HADH: variants seen among roughly 807,000 people sequenced by gnomAD.
HADH encodes the protein hydroxyacyl-CoA dehydrogenase, also known as hydroxyacyl-coenzyme A dehydrogenase, mitochondrial.
A neutral mutation model predicts 32.2 loss-of-function variants in HADH; 24 were observed. The observed-to-expected ratio is 0.75, with a 90% CI of 0.54 to 1.05. The LOEUF (loss-of-function observed/expected upper bound fraction) is 1.05, where lower values mean the gene tolerates loss of function less well. Ranked by LOEUF, HADH falls within the 50% of genes least tolerant of loss-of-function variation. The pLI is 0.00. For missense variants in HADH, 350 were observed against 397.1 expected (o/e 0.88, Z 1.01); for synonymous variants, 139 against 152.5 (o/e 0.91, Z 0.65).
chr4:108,026,954 G>A (rs1736088318), intron 5 of HADH: 1 of 152,846 alleles, frequency 6.5e-6, no homozygotes, highest in Non-Finnish European at 1.5e-5. Context: ...ACTGAGAAGG[G>A]AAATGGATGA....
chr4:108,014,364 C>G lies in HADH; in HGVS notation c.262-67C>G, dbSNP rs561627255. 37 of 1,585,960 alleles carry G rather than the reference C, an allele frequency of 2.3e-5. No individual in the cohort carries two copies. The African/African-American group carries it at 5.0e-4, about 21-fold the overall frequency. On this transcript the variant is annotated intron_variant, in intron 2 of 7. Coordinates refer to ENST00000309522, the MANE Select transcript of HADH (RefSeq NM_005327.7). Reference sequence around the variant, plus strand: ...ACCCAGTTTGCTAACTGGAGCAGAGCTAAGAACTTGAAAGATAATTTCCAG... The same window carrying G: ...ACCCAGTTTGCTAACTGGAGCAGAGGTAAGAACTTGAAAGATAATTTCCAG...
intron 1 of HADH, among the ~76,000 whole-genome samples, chr4:107,991,449 C>T (rs1437590651): frequency 6.6e-6 from 1 of 152,036 alleles, no homozygotes; most frequent in Non-Finnish European, 1.5e-5. Flanking sequence ...TTTTCTTCTC[C>T]TTGGCAAGTT....
Position 108,009,872 on chromosome 4 carries a change from T to G in HADH, c.246T>G (p.Phe82Leu). 1 of 1,611,416 alleles carries G rather than the reference T, an allele frequency of 6.2e-7. No individual in the cohort carries two copies. ...ESLRKVAKKK[F>L]AENLKAGDEF... ...TTAGGAAAGTGGCAAAGAAGAAGTTTGCAGAAAACCTTAAGGTAATTTCTT... is the reference window on the plus strand; with the variant it reads ...TTAGGAAAGTGGCAAAGAAGAAGTTGGCAGAAAACCTTAAGGTAATTTCTT... The change falls in exon 2 of 8, where the codon TTT (phenylalanine) becomes TTG (leucine). Residue 82 changes from phenylalanine to leucine, a missense_variant. Coordinates refer to ENST00000309522, the MANE Select transcript of HADH (RefSeq NM_005327.7).
chr4:107,989,966 G>T lies in HADH; in HGVS notation c.34G>T (p.Val12Leu). ...CGTCACCAGGCAGTTCATGCGTTCC[G>T]TGTCCTCCTCGTCCACCGCCTCGGC... ...AFVTRQFMRS[V>L]SSSSTASASA... The change falls in exon 1 of 8, where the codon GTG (valine) becomes TTG (leucine). Residue 12 changes from valine to leucine, a missense_variant. Transcript: ENST00000309522. 6.2e-7 allele frequency: 1 copy of T among 1,612,948 alleles called. No individual in the cohort carries two copies. The highest frequency in any genetic ancestry group is 8.5e-7 in the Non-Finnish European group (1 of 1,179,614).
Position 108,023,537 on chromosome 4 carries a change from C to G in HADH, c.610C>G (p.Leu204Val). 6.2e-7 allele frequency: 1 copy of G among 1,608,948 alleles called. No individual in the cohort carries two copies. The highest frequency in any genetic ancestry group is 1.1e-5 in the South Asian group (1 of 90,978). Residue 204 changes from leucine (L) to valine (V), a missense_variant, in exon 5 of 8, where the codon CTA becomes GTA. By Grantham distance (32) the Leu-to-Val change is conservative. Coordinates refer to ENST00000309522, the MANE Select transcript of HADH (RefSeq NM_005327.7). ...FESLVDFSKA[L>V]GKHPVSCKDT... ...ATCTTTGGTAGACTTTAGCAAAGCC[C>G]TAGGAAAGCATCCTGTTTCTTGCAA...
At chr4:108,008,418 A>C (rs1472549468) in intron 1 of HADH, among the ~76,000 whole-genome samples, 9 of 152,242 alleles carry the variant, frequency 5.9e-5, no homozygotes, top group Non-Finnish European at 1.0e-4. Flanking sequence ...CCATGAGTGC[A>C]GTTGAAATAA....
chr4:108,017,161 C>T (rs1376324454), intron 3 of HADH, among the ~76,000 whole-genome samples: 2 of 152,090 alleles, frequency 1.3e-5, no homozygotes, highest in African/African-American at 4.8e-5. Flanking sequence ...TTTTACAGTT[C>T]GATCCTATAA....
intron 4 of HADH, among the ~76,000 whole-genome samples, chr4:108,022,662 C>T (rs6533342): frequency 0.87 from 131,906 of 152,182 alleles, 58,044 homozygotes; most frequent in East Asian, 0.97. Flanking sequence ...TCAGGTCCCA[C>T]GTAGAAGACT....
At chr4:108,017,317 G>A (rs1352937949) in intron 3 of HADH, among the ~76,000 whole-genome samples, 1 of 152,132 alleles carries the variant, frequency 6.6e-6, no homozygotes, top group Admixed American at 6.5e-5. Flanking sequence ...CAGCCAGATC[G>A]AAGTCCTGAC....
chr4:108,009,705 G>T (rs140722514), intron 1 of HADH, 54 bp from the exon 2 acceptor site: 7 of 1,570,042 alleles, frequency 4.5e-6, no homozygotes, highest in Non-Finnish European at 6.1e-6. Flanking sequence ...GTGTGTGCGC[G>T]TGCGTGTTAT....
chr4:108,009,991 T>TC, intron 2 of HADH, 104 bp downstream of exon 2: 1 of 882,240 alleles, frequency 1.1e-6, no homozygotes, highest in Non-Finnish European at 1.8e-6. Flanking sequence ...TTTTTTTTTT[T>TC]TTTCAGTTTG....
At chr4:108,024,326 A>G (rs929715042) in intron 5 of HADH, 2 of 152,198 alleles carry the variant, frequency 1.3e-5, no homozygotes, top group Middle Eastern at 3.2e-3. Context: ...ACAAAATGCT[A>G]CACCATTACA....
Position 107,990,025 on chromosome 4 carries a change from G to A in HADH, c.93G>A (p.Thr31=). 9 of 1,611,722 alleles carry A rather than the reference G, an allele frequency of 5.6e-6. No individual in the cohort carries two copies. The highest frequency in any genetic ancestry group is 7.6e-6 in the Non-Finnish European group (9 of 1,179,326). The change falls in exon 1 of 8, where the codon ACG becomes ACA. Residue 31 remains threonine (T), a synonymous_variant. Transcript: ENST00000309522. ...AGAAGATAATCGTCAAGCACGTGAC[G>A]GTCATCGGCGGCGGGCTGATGGGCG... ...SAKKIIVKHV[T]VIGGGLMGAG...
At chr4:108,005,015 A>T in intron 1 of HADH, 1 of 820,686 alleles carries the variant, frequency 1.2e-6, no homozygotes, top group African/African-American at 1.7e-5. Context: ...TGTTTATTTT[A>T]TACTGTAACT....
At chr4:108,032,598 T>C in intron 6 of HADH, 1 of 459,566 alleles carries the variant, frequency 2.2e-6, no homozygotes, top group African/African-American at 1.9e-5. Context: ...TCCCAATGTA[T>C]TTGAAAGTAG....
At chr4:108,022,267 TA>T (rs751991175) in intron 4 of HADH, among the ~76,000 whole-genome samples, 2,706 of 39,120 alleles carry the variant, frequency 0.069, 48 homozygotes, top group Middle Eastern at 0.23. Flanking sequence ...CTCTCCTGTT[TA>T]AAAATATATA....
chr4:108,024,592 A>G (rs1735997247), intron 5 of HADH: 1 of 152,156 alleles, frequency 6.6e-6, no homozygotes. Context: ...AGGGAGTCTC[A>G]TGCTTTAACA....
chr4:108,033,027 G>C, intron 6 of HADH, 149 bp from the exon 7 acceptor site: 2 of 729,770 alleles, frequency 2.7e-6, no homozygotes, highest in Non-Finnish European at 2.5e-6. Context: ...ACTTTAGAGA[G>C]GAAATCTTAC....
chr4:108,018,106 G>A (rs1735754045), intron 3 of HADH, among the ~76,000 whole-genome samples: 1 of 152,096 alleles, frequency 6.6e-6, no homozygotes, highest in Non-Finnish European at 1.5e-5. Flanking sequence ...CAGGTGAATG[G>A]CCCTTCAAAC....
Sources: allele counts gnomAD v4.1 joint callset (sites outside exome capture counted in the v4.1 genomes callset), GRCh38; gene constraint gnomAD v4.1.1; transcripts MANE v1.5; gene names NCBI Gene and HGNC (gene_info 2026-07-23, HGNC 2026-07-21).